WDPCP: variants seen among roughly 807,000 people sequenced by gnomAD.
WDPCP encodes WD repeat-containing and planar cell polarity effector protein fritz homolog.
In WDPCP, 71 loss-of-function variants were observed where a neutral mutation model predicts 93.1. That is an observed-to-expected ratio of 0.76 (90% CI 0.63 to 0.93). The LOEUF (loss-of-function observed/expected upper bound fraction) is 0.93. Ranked by LOEUF, WDPCP falls within the 40% of genes least tolerant of loss-of-function variation. WDPCP has a pLI of 0.00. For missense variants in WDPCP, 844 were observed against 887.4 expected, an observed-to-expected ratio of 0.95 and a Z score of 0.62; for synonymous variants, 315 against 315.0, an observed-to-expected ratio of 1.00 and a Z score of 0.00.
chr2:63,276,294 T>C (rs1683084482), intron 13 of WDPCP, among the ~76,000 whole-genome samples: 1 of 152,118 alleles, frequency 6.6e-6, no homozygotes, highest in Non-Finnish European at 1.5e-5. Flanking sequence ...ACCAGAACAA[T>C]TCTGGTAATA....
At chr2:63,687,260 AT>A (rs1326264945) in intron 2 of WDPCP, among the ~76,000 whole-genome samples, 1 of 152,242 alleles carries the variant, frequency 6.6e-6, no homozygotes, top group Non-Finnish European at 1.5e-5. Context: ...TCTTCAAGAC[AT>A]TGGAGTGGGC....
At chr2:63,151,936 A>G (rs1235362850) in intron 17 of WDPCP, among the ~76,000 whole-genome samples, 2 of 152,172 alleles carry the variant, frequency 1.3e-5, no homozygotes, top group African/African-American at 2.4e-5. Flanking sequence ...TTGTGGGACT[A>G]TCATTCAGAC....
At chr2:63,211,488 G>C (rs900856878) in intron 14 of WDPCP, among the ~76,000 whole-genome samples, 2 of 152,186 alleles carry the variant, frequency 1.3e-5, no homozygotes, top group Non-Finnish European at 1.5e-5. Context: ...ACCAAAGGTA[G>C]ATAAAACCAC....
At chr2:63,472,398 A>T (rs372701352) in intron 6 of WDPCP, among the ~76,000 whole-genome samples, 161 of 151,686 alleles carry the variant, frequency 1.1e-3, no homozygotes, top group African/African-American at 3.7e-3. Flanking sequence ...TAGATATTAC[A>T]TCTTTTGACT....
At chr2:63,255,978 G>A (rs1444238043) in intron 14 of WDPCP, among the ~76,000 whole-genome samples, 1 of 152,190 alleles carries the variant, frequency 6.6e-6, no homozygotes, top group Non-Finnish European at 1.5e-5. Flanking sequence ...AAAGGAAGAT[G>A]TGGAAGACCA....
chr2:63,607,049 A>C (rs905605420), intron 3 of WDPCP: 4 of 1,468,344 alleles, frequency 2.7e-6, no homozygotes, highest in Non-Finnish European at 3.7e-6. Flanking sequence ...CTTTGACTCA[A>C]GTACCAAATA....
At chr2:63,545,313 ATGTGTGTGTATG>A (rs970828966) in intron 1 of WDPCP, among the ~76,000 whole-genome samples, 86 of 149,814 alleles carry the variant, frequency 5.7e-4, no homozygotes, top group African/African-American at 2.0e-3. Context: ...GTGCACGTGT[ATGTGTGTGTATG>A]TGTGTGTGTG....
intron 3 of WDPCP, among the ~76,000 whole-genome samples, chr2:63,621,701 G>C (rs973975991): frequency 6.6e-6 from 1 of 152,038 alleles, no homozygotes; most frequent in Non-Finnish European, 1.5e-5. Context: ...CTAAAAAGGA[G>C]CAACCCCAAG....
At chr2:63,536,690 T>G (rs527588411) in intron 1 of WDPCP, among the ~76,000 whole-genome samples, 7 of 151,064 alleles carry the variant, frequency 4.6e-5, no homozygotes, top group African/African-American at 1.2e-4. Flanking sequence ...TAAGACGGAT[T>G]AATGGATAGG....
rs1688429454 is a variant in WDPCP at position 63,337,001 on chromosome 2, C to T, written c.1749-23690G>A. Among the ~76,000 whole-genome samples the T allele has an allele frequency of 4.7e-5, 7 of 148,718 alleles. No individual in the cohort carries two copies. In the Admixed American group the frequency reaches 4.8e-4, roughly 10 times the overall value. On this transcript the variant is annotated intron_variant, in intron 12 of 17. Transcript: ENST00000272321. ...CTCCGCCTCCCAGGTTCAAGTGATT[C>T]TCCTGCCTCGGCCTCCTGAGTGGCT... is the stretch of plus-strand genomic sequence containing the variant.
At chr2:63,702,942 A>G (rs1205247720) in intron 2 of WDPCP, among the ~76,000 whole-genome samples, 2 of 151,780 alleles carry the variant, frequency 1.3e-5, no homozygotes, top group African/African-American at 4.8e-5. Flanking sequence ...TCATTGTTCA[A>G]TTCCCACCTA....
At chr2:63,546,758 G>A (rs1370696252) in intron 1 of WDPCP, among the ~76,000 whole-genome samples, 1 of 151,318 alleles carries the variant, frequency 6.6e-6, no homozygotes, top group African/African-American at 2.4e-5. Flanking sequence ...AATAAAACAA[G>A]GTATCATGAA....
intron 2 of WDPCP, among the ~76,000 whole-genome samples, chr2:63,681,977 C>T (rs911687007): frequency 6.7e-6 from 1 of 148,332 alleles, no homozygotes; most frequent in African/African-American, 2.5e-5. Flanking sequence ...CACAGTGTCA[C>T]TGGGTTTGGG....
At chr2:63,679,463 G>C (rs1234120104) in intron 2 of WDPCP, among the ~76,000 whole-genome samples, 2 of 152,100 alleles carry the variant, frequency 1.3e-5, no homozygotes, top group Non-Finnish European at 2.9e-5. Flanking sequence ...CACTTCCTTG[G>C]TTGAGCCATC....
intron 14 of WDPCP, among the ~76,000 whole-genome samples, chr2:63,211,399 C>T (rs981271163): frequency 1.3e-5 from 2 of 152,154 alleles, no homozygotes; most frequent in African/African-American, 4.8e-5. Flanking sequence ...AGATGAGGGT[C>T]CTGACTTTTA....
chr2:63,491,350 A>G (rs988242422), intron 2 of WDPCP, among the ~76,000 whole-genome samples: 35 of 152,188 alleles, frequency 2.3e-4, no homozygotes, highest in African/African-American at 8.2e-4. Context: ...GAGGCACTAA[A>G]AAACTGATTG....
At chr2:63,369,278 T>C in intron 12 of WDPCP, 3 of 385,098 alleles carry the variant, frequency 7.8e-6, no homozygotes, top group South Asian at 5.8e-5. Flanking sequence ...AGGCACTGTA[T>C]GTCTTTTAAT....
At chr2:63,480,190 G>T (rs1212823273) in intron 6 of WDPCP, among the ~76,000 whole-genome samples, 1 of 151,956 alleles carries the variant, frequency 6.6e-6, no homozygotes, top group Non-Finnish European at 1.5e-5. Flanking sequence ...GGAAGTGAGA[G>T]ATCTCTACAA....
chr2:63,145,413 C>CT (rs1334512522), intron 17 of WDPCP, among the ~76,000 whole-genome samples: 1 of 152,106 alleles, frequency 6.6e-6, no homozygotes, highest in Non-Finnish European at 1.5e-5. Flanking sequence ...TCAGACTCTC[C>CT]TTGGGCAGGT....
Sources: allele counts gnomAD v4.1 joint callset (sites outside exome capture counted in the v4.1 genomes callset), GRCh38; gene constraint gnomAD v4.1.1; transcripts MANE v1.5; gene names NCBI Gene and HGNC (gene_info 2026-07-23, HGNC 2026-07-21).